The following TBP variants were observed in gnomAD, a reference collection of about 807,000 sequenced individuals.
TBP encodes TATA-box-binding protein.
Under a neutral mutation model 46.2 loss-of-function variants are expected in TBP, and 12 were observed. The observed-to-expected ratio is 0.26, with a 90% CI of 0.17 to 0.42. The LOEUF (loss-of-function observed/expected upper bound fraction) is 0.42. Ranked by LOEUF, TBP falls within the 10% of genes least tolerant of loss-of-function variation. The pLI is 1.00. For missense variants in TBP, 229 were observed against 403.1 expected, an observed-to-expected ratio of 0.57 and a Z score of 3.70; for synonymous variants, 157 against 148.3, an observed-to-expected ratio of 1.06 and a Z score of -0.42.
intron 1 of TBP, among the ~76,000 whole-genome samples, chr6:170,554,928 A>T (rs995245869): frequency 6.6e-6 from 1 of 151,518 alleles, no homozygotes. Context: ...AATACACACC[A>T]CTTTATTTGC....
intron 5 of TBP, among the ~76,000 whole-genome samples, chr6:170,568,713 A>C (rs1383166363): frequency 4.7e-5 from 7 of 150,292 alleles, no homozygotes; most frequent in African/African-American, 1.7e-4. Flanking sequence ...TCAGCCTCCC[A>C]AAGTGTTGGG....
At position 170,572,314 on chromosome 6, in the gene TBP, T is replaced by TTA; in HGVS notation, c.*49_*50insTA. ...CCCCACCCCCTTCTTTTTTTTTTTT[T>TTA]AAACAAATCAGTTTGTTTTGGTACC... On this transcript the variant is annotated 3_prime_UTR_variant, in exon 8 of 8. Coordinates refer to ENST00000392092, the MANE Select transcript of TBP (RefSeq NM_003194.5). 1 of 1,316,204 alleles carries TTA rather than the reference T, an allele frequency of 7.6e-7. No homozygotes were observed. The highest frequency in any genetic ancestry group is 1.1e-6 in the Non-Finnish European group (1 of 929,442). 81.5% of individuals were successfully genotyped at this position (1,316,204 alleles called of 1,614,324 possible). A position where few individuals can be genotyped will look rare whatever the true frequency, so the allele number is the denominator to read the frequency against.
At chr6:170,567,857 CA>C (rs755375987) in intron 5 of TBP, among the ~76,000 whole-genome samples, 1 of 152,200 alleles carries the variant, frequency 6.6e-6, no homozygotes, top group East Asian at 1.9e-4. Context: ...CTGTTCTAAA[CA>C]GAGCTTATAT....
intron 4 of TBP, among the ~76,000 whole-genome samples, chr6:170,564,974 T>C (rs1779217350): frequency 1.3e-5 from 2 of 151,986 alleles, no homozygotes; most frequent in South Asian, 4.1e-4. Context: ...CTGGCCAACA[T>C]AGTGAAACCC....
At chr6:170,565,200 C>G (rs548778535) in intron 4 of TBP, among the ~76,000 whole-genome samples, 1 of 152,220 alleles carries the variant, frequency 6.6e-6, no homozygotes, top group Non-Finnish European at 1.5e-5. Context: ...ATGCTTATTC[C>G]TTGACACCAA....
intron 2 of TBP, 143 bp downstream of exon 2, chr6:170,557,226 C>A: frequency 1.3e-6 from 1 of 761,148 alleles, no homozygotes; most frequent in Non-Finnish European, 2.2e-6. Flanking sequence ...TTGAGAAGTT[C>A]TATTAGGCTT....
At chr6:170,563,718 C>T (rs995611581) in intron 3 of TBP, among the ~76,000 whole-genome samples, 4 of 152,152 alleles carry the variant, frequency 2.6e-5, no homozygotes, top group Non-Finnish European at 4.4e-5. Context: ...AATCTGGACT[C>T]GATATTCTTG....
chr6:170,558,009 T>A (rs1779063740), intron 2 of TBP, among the ~76,000 whole-genome samples: 1 of 152,182 alleles, frequency 6.6e-6, no homozygotes, highest in Admixed American at 6.5e-5. Context: ...TATGTCTGAC[T>A]TCTTAGCCCA....
chr6:170,569,274 A>G (rs1277709339), intron 5 of TBP, among the ~76,000 whole-genome samples: 1 of 152,266 alleles, frequency 6.6e-6, no homozygotes, highest in Non-Finnish European at 1.5e-5. Context: ...TCTGATCAAA[A>G]TGAAGTTTGT....
At chr6:170,568,573 GC>G (rs1173591189) in intron 5 of TBP, among the ~76,000 whole-genome samples, 2 of 151,834 alleles carry the variant, frequency 1.3e-5, no homozygotes, top group Non-Finnish European at 2.9e-5. Flanking sequence ...TCTTGCCTCA[GC>G]CTCCCGAGTA....
At position 170,558,517 on chromosome 6, in the gene TBP, T is replaced by G. The variant is rs149041588; in HGVS notation, c.54+1434T>G. 2.0e-3 allele frequency among the ~76,000 whole-genome samples: 302 copies of G among 152,334 alleles called. 7 individuals are homozygous for G. The East Asian group carries it at 0.045, about 23-fold the overall frequency. On this transcript the variant is annotated intron_variant, in intron 2 of 7. Transcript: ENST00000392092. ...CTTTACTGCACTTCACTTTACTGCATGTTTGACAAATTGAAGGTTGTGGTA... is the reference window on the plus strand; with the variant it reads ...CTTTACTGCACTTCACTTTACTGCAGGTTTGACAAATTGAAGGTTGTGGTA...
At chr6:170,564,043 T>C (rs75901181) in intron 3 of TBP, among the ~76,000 whole-genome samples, 2 of 152,220 alleles carry the variant, frequency 1.3e-5, no homozygotes, top group Non-Finnish European at 2.9e-5. Flanking sequence ...CTTTTTTTTT[T>C]GCTAAAGACA....
chr6:170,561,834 C>T lies in TBP; in HGVS notation c.98C>T (p.Pro33Leu). 6.2e-7 allele frequency: 1 copy of T among 1,613,818 alleles called. No homozygotes were observed. The change falls in exon 3 of 8, where the codon CCT (proline) becomes CTT (leucine). Residue 33 changes from proline to leucine, a missense_variant. Coordinates refer to ENST00000392092, the MANE Select transcript of TBP (RefSeq NM_003194.5). ...ATCCCTATCTTTAGTCCAATGATGC[C>T]TTATGGCACTGGACTGACCCCACAG... ...PGIPIFSPMM[P>L]YGTGLTPQPI...
chr6:170,568,794 C>CT (rs1554246726), intron 5 of TBP, among the ~76,000 whole-genome samples: 1 of 57,436 alleles, frequency 1.7e-5, no homozygotes, highest in African/African-American at 9.1e-5. Context: ...CTTTTTTTCT[C>CT]TTCTTTCTTT....
chr6:170,559,453 G>A (rs772180394), intron 2 of TBP, among the ~76,000 whole-genome samples: 1 of 152,170 alleles, frequency 6.6e-6, no homozygotes, highest in Non-Finnish European at 1.5e-5. Flanking sequence ...TTGCTTATAT[G>A]GAGAAAGTTT....
intron 5 of TBP, among the ~76,000 whole-genome samples, chr6:170,567,998 G>A (rs1208801312): frequency 1.3e-5 from 2 of 152,142 alleles, no homozygotes; most frequent in African/African-American, 4.8e-5. Context: ...ACATAGAAGG[G>A]GGCTGTGGAT....
chr6:170,558,792 C>A (rs1460030937), intron 2 of TBP, among the ~76,000 whole-genome samples: 1 of 150,608 alleles, frequency 6.6e-6, no homozygotes, highest in Non-Finnish European at 1.5e-5. Flanking sequence ...CTCCCGTGTT[C>A]AAGCGATTCT....
intron 4 of TBP, 136 bp downstream of exon 4, chr6:170,564,768 C>T (rs1425064504): frequency 4.8e-6 from 2 of 418,472 alleles, no homozygotes; most frequent in African/African-American, 4.2e-5. Context: ...TGCCTGTAAT[C>T]CCAGCACTTT....
chr6:170,559,630 G>A (rs951645087), intron 2 of TBP, among the ~76,000 whole-genome samples: 2 of 152,218 alleles, frequency 1.3e-5, no homozygotes, highest in African/African-American at 4.8e-5. Context: ...TTTAAGGAGA[G>A]AGGCCTTCTC....
Sources: gnomAD v4.1 joint callset for allele counts (sites outside exome capture counted in the v4.1 genomes callset) on GRCh38, gnomAD v4.1.1 for gene constraint, MANE v1.5 for transcripts, NCBI Gene and HGNC (gene_info 2026-07-23, HGNC 2026-07-21) for gene names.